SLC16A7: variants seen among roughly 807,000 people sequenced by gnomAD.
SLC16A7 encodes the protein solute carrier family 16 member 7.
SLC16A7 carries 33 observed loss-of-function variants against 34.9 expected under a neutral mutation model. The observed-to-expected ratio is 0.94, with a 90% CI of 0.72 to 1.26. The LOEUF is 1.26. Among genes scored for constraint, SLC16A7 ranks in the 50% most tolerant of loss-of-function variants. The pLI, the probability that SLC16A7 is intolerant of heterozygous loss-of-function variation, is 0.00. For synonymous variants in SLC16A7, 201 were observed against 206.6 expected (o/e 0.97, Z 0.23); for missense variants, 573 against 578.1 (o/e 0.99, Z 0.09).
At chr12:59,712,999 T>C (rs1396031243) in intron 3 of SLC16A7, among the ~76,000 whole-genome samples, 3 of 151,626 alleles carry the variant, frequency 2.0e-5, no homozygotes, top group Non-Finnish European at 4.4e-5. Flanking sequence ...ATGTTTTCTT[T>C]TCTTTTCTTT....
chr12:59,631,761 G>C (rs1226106777), intron 1 of SLC16A7, among the ~76,000 whole-genome samples: 2 of 151,962 alleles, frequency 1.3e-5, no homozygotes, highest in African/African-American at 4.8e-5. Context: ...CCACTTGTAA[G>C]TGAGAACATG....
chr12:59,629,210 C>T (rs1462584845), intron 1 of SLC16A7, among the ~76,000 whole-genome samples: 1 of 151,828 alleles, frequency 6.6e-6, no homozygotes, highest in Non-Finnish European at 1.5e-5. Flanking sequence ...CCAAAGGCCC[C>T]ACCTTCTAAT....
intron 2 of SLC16A7, among the ~76,000 whole-genome samples, chr12:59,659,799 A>T (rs1230958884): frequency 6.6e-6 from 1 of 152,054 alleles, no homozygotes; most frequent in African/African-American, 2.4e-5. Flanking sequence ...AGGAAGGCAT[A>T]TCTGGAAAAG....
chr12:59,682,905 A>G (rs990191622), intron 2 of SLC16A7, among the ~76,000 whole-genome samples: 1 of 152,104 alleles, frequency 6.6e-6, no homozygotes, highest in African/African-American at 2.4e-5. Context: ...TGTCTCTACT[A>G]AAAATACAAA....
At chr12:59,727,912 G>A (rs939710766) in intron 3 of SLC16A7, among the ~76,000 whole-genome samples, 1 of 152,062 alleles carries the variant, frequency 6.6e-6, no homozygotes, top group African/African-American at 2.4e-5. Flanking sequence ...AAGGTCAGGG[G>A]AAATTTAAAA....
chr12:59,616,569 T>C (rs1378377894), intron 1 of SLC16A7, among the ~76,000 whole-genome samples: 1 of 152,160 alleles, frequency 6.6e-6, no homozygotes, highest in Admixed American at 6.5e-5. Context: ...TTGCCTTCAG[T>C]TGTGCAAAAA....
At position 59,775,198 on chromosome 12, in the gene SLC16A7, A is replaced by G. The variant is rs762131399; in HGVS notation, c.903A>G (p.Gly301=). The G allele has an allele frequency of 6.2e-7, 1 of 1,614,132 alleles. No homozygotes were observed. Among genetic ancestry groups the G allele is most frequent in the South Asian group, 1.1e-5 (1 of 91,088 alleles). The change falls in exon 5 of 6, where the codon GGA becomes GGG. Residue 301 remains glycine, a synonymous_variant. Transcript: ENST00000547379. Reference sequence around the variant, plus strand: ...ATATGTTTGCTAGGCCTTCTGTAGGATTAATTGCAAACTCCAAATATATTC... The same window carrying G: ...ATATGTTTGCTAGGCCTTCTGTAGGGTTAATTGCAAACTCCAAATATATTC... ...FVDMFARPSV[G]LIANSKYIRP...
intron 3 of SLC16A7, among the ~76,000 whole-genome samples, chr12:59,719,119 A>G (rs1472323390): frequency 6.6e-6 from 1 of 152,214 alleles, no homozygotes; most frequent in Non-Finnish European, 1.5e-5. Context: ...CTATAACACA[A>G]TAGGTGCACA....
intron 1 of SLC16A7, among the ~76,000 whole-genome samples, chr12:59,617,150 C>T (rs1226890558): frequency 6.6e-6 from 1 of 151,944 alleles, no homozygotes; most frequent in East Asian, 1.9e-4. Flanking sequence ...TGCTTGTATT[C>T]CTGCTCTATT....
At chr12:59,730,718 T>C (rs1333542122) in intron 3 of SLC16A7, among the ~76,000 whole-genome samples, 1 of 152,204 alleles carries the variant, frequency 6.6e-6, no homozygotes, top group Non-Finnish European at 1.5e-5. Flanking sequence ...AGATGCCAAA[T>C]GGCATTTGTA....
chr12:59,762,028 C>A (rs1355513426), intron 3 of SLC16A7, among the ~76,000 whole-genome samples: 1 of 152,064 alleles, frequency 6.6e-6, no homozygotes, highest in South Asian at 2.1e-4. Context: ...GGGCCCTCAT[C>A]AGGCTACCAC....
intron 3 of SLC16A7, among the ~76,000 whole-genome samples, chr12:59,765,211 C>A (rs1881467703): frequency 6.6e-6 from 1 of 152,058 alleles, no homozygotes; most frequent in East Asian, 1.9e-4. Context: ...TGTTTGAGTT[C>A]ATTGTAGATT....
intron 1 of SLC16A7, among the ~76,000 whole-genome samples, chr12:59,630,722 G>GT (rs1305924945): frequency 3.3e-5 from 5 of 151,832 alleles, no homozygotes; most frequent in Non-Finnish European, 5.9e-5. Context: ...TTCTAATAGA[G>GT]TTTTTTTACA....
At chr12:59,606,923 T>A (rs924263744) in intron 1 of SLC16A7, among the ~76,000 whole-genome samples, 3 of 152,030 alleles carry the variant, frequency 2.0e-5, no homozygotes, top group Non-Finnish European at 4.4e-5. Flanking sequence ...CAGAGTAGGA[T>A]TAGTGTCAAA....
chr12:59,666,703 G>A (rs1462389519), intron 2 of SLC16A7, among the ~76,000 whole-genome samples: 1 of 152,126 alleles, frequency 6.6e-6, no homozygotes, highest in Non-Finnish European at 1.5e-5. Context: ...ATGATTGTGA[G>A]GTCTCTCCAG....
chr12:59,662,079 C>A (rs1333447921), intron 2 of SLC16A7, among the ~76,000 whole-genome samples: 1 of 151,856 alleles, frequency 6.6e-6, no homozygotes, highest in Non-Finnish European at 1.5e-5. Flanking sequence ...GTTGTGAGAC[C>A]TTTGTTTTTT....
In SLC16A7 at chr12:59,749,614, G is replaced by A. The variant is rs111955189; in HGVS notation, c.218-21605G>A. Among the ~76,000 whole-genome samples the A allele has an allele frequency of 1.1e-3, 171 of 152,276 alleles. 2 individuals carry two copies. Among genetic ancestry groups the A allele is most frequent in the African/African-American group, 4.0e-3 (167 of 41,552 alleles). ...GTGGAAGAGAACCTCTATATAGAGA[G>A]TATCATGGATGTTTGGAAGAATTAC... On this transcript the variant is annotated intron_variant, in intron 3 of 5. Coordinates refer to ENST00000547379, the MANE Select transcript of SLC16A7 (RefSeq NM_001270623.2).
At chr12:59,660,521 A>G (rs1868789614) in intron 2 of SLC16A7, among the ~76,000 whole-genome samples, 1 of 151,046 alleles carries the variant, frequency 6.6e-6, no homozygotes, top group Admixed American at 6.6e-5. Context: ...CCTGGACAAC[A>G]TAGGCAGACC....
At chr12:59,673,674 C>T (rs767864395) in intron 2 of SLC16A7, among the ~76,000 whole-genome samples, 2 of 152,062 alleles carry the variant, frequency 1.3e-5, no homozygotes, top group Admixed American at 6.6e-5. Flanking sequence ...TCATTTCTTA[C>T]CCATACACTG....
Sources: gnomAD v4.1 joint callset for allele counts (sites outside exome capture counted in the v4.1 genomes callset) on GRCh38, gnomAD v4.1.1 for gene constraint, MANE v1.5 for transcripts, NCBI Gene and HGNC (gene_info 2026-07-23, HGNC 2026-07-21) for gene names.